Variants in CELSR1 observed in about 807,000 individuals in gnomAD.
CELSR1 encodes cadherin EGF LAG seven-pass G-type receptor 1.
CELSR1 carries 110 observed loss-of-function variants against 249.1 expected under a neutral mutation model. The ratio of observed to expected loss-of-function variants is 0.44; its 90% CI spans 0.38 to 0.52. CELSR1 has a LOEUF of 0.52. CELSR1 is among the 20% of genes least tolerant of loss of function. The pLI is 0.00. For missense variants in CELSR1, 4,109 were observed against 4,296.4 expected, an observed-to-expected ratio of 0.96 and a Z score of 1.22; for synonymous variants, 2,113 against 1,900.0, an observed-to-expected ratio of 1.11 and a Z score of -2.92.
rs1319853996 is a variant in CELSR1, at chr22:46,512,565, C to G, written c.3544+21062G>C. 6.6e-6 allele frequency among the ~76,000 whole-genome samples: 1 copy of G among 152,118 alleles called. No individual in the cohort carries two copies. Among genetic ancestry groups the G allele is most frequent in the African/African-American group, 2.4e-5 (1 of 41,414 alleles). On this transcript the variant is annotated intron_variant, in intron 1 of 34. Coordinates refer to ENST00000674500, the MANE Select transcript of CELSR1 (RefSeq NM_001378328.1). This position sits in a 1 kb window ranked among gnomAD's most constrained non-coding sequence, Gnocchi z 5.2. ...CCAGCCTGGGTGAAAGAGTGAGACT[C>G]CATCTCAACAACAACAAAAAATCAA...
rs765454627 is a variant in CELSR1 at position 46,427,625 on chromosome 22, C to T, written c.4611+5768G>A. Among the ~76,000 whole-genome samples the T allele has an allele frequency of 6.6e-6, 1 of 152,192 alleles. No homozygotes were observed. Among genetic ancestry groups the T allele is most frequent in the African/African-American group, 2.4e-5 (1 of 41,448 alleles). ...CTCCTCCCCTCATCACCGCACAGAA[C>T]CCCACCGCACTGTTGGCAATGGTTG... On this transcript the variant is annotated intron_variant, in intron 5 of 34. Coordinates refer to ENST00000674500, the MANE Select transcript of CELSR1 (RefSeq NM_001378328.1). The surrounding 1 kb of genome is among the most constrained non-coding windows in gnomAD (Gnocchi z 4.2).
In CELSR1 at chr22:46,409,639, C is replaced by T. The variant is rs911385654; in HGVS notation, c.5059+116G>A. 4 of 1,271,588 alleles carry T rather than the reference C, an allele frequency of 3.1e-6. No homozygotes were observed. Among genetic ancestry groups the T allele is most frequent in the African/African-American group, 2.9e-5 (2 of 68,380 alleles). 78.8% of individuals were successfully genotyped at this position (1,271,588 alleles called of 1,614,324 possible). A position where few individuals can be genotyped will look rare whatever the true frequency, so the allele number is the denominator to read the frequency against. On this transcript the variant is annotated intron_variant, in intron 8 of 34. Coordinates refer to ENST00000674500, the MANE Select transcript of CELSR1 (RefSeq NM_001378328.1). The surrounding 1 kb of genome is among the most constrained non-coding windows in gnomAD (Gnocchi z 9.8). ...AGTCCACAGTAAATGCAGCATATAC[C>T]ACCAGAGGCTGCCGGACCTGGATGT...
rs905955091 is a variant in CELSR1, at chr22:46,415,764, G to A, written c.4612-4005C>T. 2.6e-5 allele frequency among the ~76,000 whole-genome samples: 4 copies of A among 152,186 alleles called. 1 individual carries two copies. In the South Asian group the frequency reaches 8.3e-4, roughly 31 times the overall value. On this transcript the variant is annotated intron_variant, in intron 5 of 34. Transcript: ENST00000674500. ...AATGCATTATTTGGCCTTCCTGCCAGGTGGCTATGAGTGATAAAACGCAGT... is the reference window on the plus strand; with the variant it reads ...AATGCATTATTTGGCCTTCCTGCCAAGTGGCTATGAGTGATAAAACGCAGT...
intron 1 of CELSR1, among the ~76,000 whole-genome samples, chr22:46,511,046 G>A (rs1214957902): frequency 1.3e-5 from 2 of 152,086 alleles, no homozygotes; most frequent in African/African-American, 4.8e-5. Flanking sequence ...CCCAGGAGGC[G>A]GAGGTTGCAG....
rs778715310 is a variant in CELSR1, at chr22:46,427,911, G to C, written c.4611+5482C>G. 2.6e-5 allele frequency among the ~76,000 whole-genome samples: 4 copies of C among 152,144 alleles called. No individual in the cohort carries two copies. The highest frequency in any genetic ancestry group is 4.8e-5 in the African/African-American group (2 of 41,430). Reference sequence around the variant, plus strand: ...CTGGGTGGAAGTCCTCGAGTTTTTAGAACATGTGCAGAAACGGAGAAGCTC... The same window carrying C: ...CTGGGTGGAAGTCCTCGAGTTTTTACAACATGTGCAGAAACGGAGAAGCTC... On this transcript the variant is annotated intron_variant, in intron 5 of 34. Transcript: ENST00000674500. The surrounding 1 kb of genome is among the most constrained non-coding windows in gnomAD (Gnocchi z 4.2).
Position 46,361,423 on chromosome 22 carries a change from G to C in CELSR1, c.*1800C>G, listed in dbSNP as rs1005448880. The C allele has an allele frequency of 1.3e-5, 2 of 152,112 alleles. No homozygotes were observed. Among genetic ancestry groups the C allele is most frequent in the Admixed American group, 6.6e-5 (1 of 15,264 alleles). 9.4% of individuals were successfully genotyped at this position (152,112 alleles called of 1,614,324 possible). A position where few individuals can be genotyped will look rare whatever the true frequency, so the allele number is the denominator to read the frequency against. ...GCTGTGGAGTACGTGGAAAAAAATA[G>C]AACAAAAAAATTACACCTCAGGGGG... On this transcript the variant is annotated 3_prime_UTR_variant, in exon 35 of 35. Coordinates refer to ENST00000674500, the MANE Select transcript of CELSR1 (RefSeq NM_001378328.1).
At position 46,448,258 on chromosome 22, in the gene CELSR1, C is replaced by CA. The variant is rs1569170307; in HGVS notation, c.4184-8848dup. Among the ~76,000 whole-genome samples the CA allele has an allele frequency of 6.6e-6, 1 of 152,268 alleles. No individual in the cohort carries two copies. The highest frequency in any genetic ancestry group is 2.4e-5 in the African/African-American group (1 of 41,562). The stretch of plus-strand genomic sequence containing the variant: ...GGAGACTCTGGCAGGGGGCTGGACA[C>CA]AAGCCCAGGGAAGACAGAGGGCATG... On this transcript the variant is annotated intron_variant, in intron 2 of 34. Transcript: ENST00000674500. This position sits in a 1 kb window ranked among gnomAD's most constrained non-coding sequence, Gnocchi z 5.7.
chr22:46,421,119 A>G (rs1244125012), intron 5 of CELSR1, among the ~76,000 whole-genome samples: 19 of 152,198 alleles, frequency 1.2e-4, no homozygotes, highest in Non-Finnish European at 2.4e-4. Flanking sequence ...TAACATGAGG[A>G]TCACGTGGGG....
chr22:46,363,256 G>T lies in CELSR1; in HGVS notation c.9036-9C>A. Reference sequence around the variant, plus strand: ...AAGTTTCATTACTGCCTCTGCGCGTGGGAAGAAGCCAGCAAGCAGGTGAAG... The same window carrying T: ...AAGTTTCATTACTGCCTCTGCGCGTTGGAAGAAGCCAGCAAGCAGGTGAAG... On this transcript the variant is annotated splice_polypyrimidine_tract_variant and intron_variant, in intron 34 of 34. Coordinates refer to ENST00000674500, the MANE Select transcript of CELSR1 (RefSeq NM_001378328.1). The surrounding 1 kb of genome is among the most constrained non-coding windows in gnomAD (Gnocchi z 4.3). The T allele has an allele frequency of 6.2e-7, 1 of 1,611,208 alleles. No individual in the cohort carries two copies. The highest frequency in any genetic ancestry group is 8.5e-7 in the Non-Finnish European group (1 of 1,178,090).
chr22:46,517,557 C>T lies in CELSR1; in HGVS notation c.3544+16070G>A, dbSNP rs990718342. Among the ~76,000 whole-genome samples the T allele has an allele frequency of 6.6e-6, 1 of 152,190 alleles. No homozygotes were observed. Among genetic ancestry groups the T allele is most frequent in the East Asian group, 1.9e-4 (1 of 5,196 alleles). Reference sequence around the variant, plus strand: ...TGGTACCTCTGTCCACAGTAAGGTGCCCCTGCAGACACGCCGCAAAACACG... The same window carrying T: ...TGGTACCTCTGTCCACAGTAAGGTGTCCCTGCAGACACGCCGCAAAACACG... On this transcript the variant is annotated intron_variant, in intron 1 of 34. Coordinates refer to ENST00000674500, the MANE Select transcript of CELSR1 (RefSeq NM_001378328.1). This position sits in a 1 kb window ranked among gnomAD's most constrained non-coding sequence, Gnocchi z 5.4.
chr22:46,373,186 C>T (rs549938001), intron 24 of CELSR1, 129 bp from the exon 25 acceptor site: 10 of 1,001,144 alleles, frequency 1.0e-5, no homozygotes, highest in Middle Eastern at 6.3e-4. Context: ...CTCAGCTGAG[C>T]AGGGCTACAT....
rs566307888 is a variant in CELSR1, at chr22:46,428,488, C to G, written c.4611+4905G>C. 6.6e-6 allele frequency among the ~76,000 whole-genome samples: 1 copy of G among 152,212 alleles called. No homozygotes were observed. Among genetic ancestry groups the G allele is most frequent in the Non-Finnish European group, 1.5e-5 (1 of 68,036 alleles). The stretch of plus-strand genomic sequence containing the variant: ...CTCCACCTGAAGCTACCAGGACTCC[C>G]GCTAGCTGAGCTCCCGTCTCACTAG... On this transcript the variant is annotated intron_variant, in intron 5 of 34. Coordinates refer to ENST00000674500, the MANE Select transcript of CELSR1 (RefSeq NM_001378328.1). This position sits in a 1 kb window ranked among gnomAD's most constrained non-coding sequence, Gnocchi z 5.7.
chr22:46,499,426 T>C (rs762310222), intron 1 of CELSR1, among the ~76,000 whole-genome samples: 2 of 152,166 alleles, frequency 1.3e-5, no homozygotes, highest in African/African-American at 4.8e-5. Context: ...TAGACAATGA[T>C]AACATCAAGC....
chr22:46,499,550 T>G (rs1287608681), intron 1 of CELSR1, among the ~76,000 whole-genome samples: 1 of 152,128 alleles, frequency 6.6e-6, no homozygotes, highest in African/African-American at 2.4e-5. Flanking sequence ...GATAAATCCA[T>G]CCAATTGTAT....
chr22:46,466,619 A>G (rs1464078848), intron 1 of CELSR1, among the ~76,000 whole-genome samples: 5 of 152,220 alleles, frequency 3.3e-5, no homozygotes, highest in Admixed American at 1.3e-4. Flanking sequence ...TAATACGACC[A>G]GAGTTGGAGG....
chr22:46,510,476 AG>A lies in CELSR1; in HGVS notation c.3544+23150del, dbSNP rs1261168804. Among the ~76,000 whole-genome samples, 7 of 152,290 alleles carry A rather than the reference AG, an allele frequency of 4.6e-5. No homozygotes were observed. The South Asian group carries it at 6.2e-4, about 14-fold the overall frequency. On this transcript the variant is annotated intron_variant, in intron 1 of 34. Coordinates refer to ENST00000674500, the MANE Select transcript of CELSR1 (RefSeq NM_001378328.1). ...GACAAAGGGACCGCTCTTCAATGTAAGGGCCCCATGAGGTGCCCCCTTGGCT... is the reference window on the plus strand; with the variant it reads ...GACAAAGGGACCGCTCTTCAATGTAAGGCCCCATGAGGTGCCCCCTTGGCT...
chr22:46,471,129 AAAC>A lies in CELSR1; in HGVS notation c.3545-6787_3545-6785del, dbSNP rs2147622159. 6.6e-6 allele frequency among the ~76,000 whole-genome samples: 1 copy of A among 152,228 alleles called. No homozygotes were observed. Among genetic ancestry groups the A allele is most frequent in the South Asian group, 2.1e-4 (1 of 4,828 alleles). On this transcript the variant is annotated intron_variant, in intron 1 of 34. Coordinates refer to ENST00000674500, the MANE Select transcript of CELSR1 (RefSeq NM_001378328.1). The surrounding 1 kb of genome is among the most constrained non-coding windows in gnomAD (Gnocchi z 4.9). ...GACAGAGTGAGACTCCACCTCAAAAAAACAACAACAAAAAAGGAAGGAGTTACT... is the reference window on the plus strand; with the variant it reads ...GACAGAGTGAGACTCCACCTCAAAAAAACAACAAAAAAGGAAGGAGTTACT...
Position 46,445,392 on chromosome 22 carries a change from G to C in CELSR1, c.4184-5981C>G, listed in dbSNP as rs1034487592. On this transcript the variant is annotated intron_variant, in intron 2 of 34. Coordinates refer to ENST00000674500, the MANE Select transcript of CELSR1 (RefSeq NM_001378328.1). The surrounding 1 kb of genome is among the most constrained non-coding windows in gnomAD (Gnocchi z 4.4). ...GCCTGTAGTCCCAGCTACTAGGCAG[G>C]CTGAGGCAGGAGAATCTCTTGAATC... 1.3e-5 allele frequency among the ~76,000 whole-genome samples: 2 copies of C among 152,182 alleles called. No homozygotes were observed. Among genetic ancestry groups the C allele is most frequent in the African/African-American group, 4.8e-5 (2 of 41,460 alleles).
In CELSR1 at chr22:46,534,055, A is replaced by C; in HGVS notation, c.3116T>G (p.Val1039Gly). The C allele has an allele frequency of 2.5e-6, 4 of 1,613,726 alleles. No homozygotes were observed. The highest frequency in any genetic ancestry group is 3.4e-6 in the Non-Finnish European group (4 of 1,180,028). ...GAAGAAATGCCGCATGTCCCCTTCC[A>C]CAATCTGATACATGATCTGGGCATT... ...GPNAQIMYQIVEGDMRHFFQL... is the reference protein window; with the variant it reads ...GPNAQIMYQIGEGDMRHFFQL... The change falls in exon 1 of 35, where the codon GTG becomes GGG. Residue 1039 changes from valine (V) to glycine (G), a missense_variant. Val to Gly is a moderately radical substitution (Grantham distance 109). Coordinates refer to ENST00000674500, the MANE Select transcript of CELSR1 (RefSeq NM_001378328.1). The surrounding 1 kb of genome is among the most constrained non-coding windows in gnomAD (Gnocchi z 9.7).
Sources: allele counts gnomAD v4.1 joint callset (sites outside exome capture counted in the v4.1 genomes callset), GRCh38; gene constraint gnomAD v4.1.1; non-coding constraint Gnocchi (gnomAD v3.1); transcripts MANE v1.5; gene names NCBI Gene and HGNC (gene_info 2026-07-23, HGNC 2026-07-21).